Variants in XPO5 observed in about 807,000 individuals in gnomAD.
XPO5 encodes the protein exportin-5.
In XPO5, 46 loss-of-function variants were observed where a neutral mutation model predicts 160.6. That is an observed-to-expected ratio of 0.29 (90% CI 0.23 to 0.37). XPO5 has a LOEUF of 0.37. Among genes scored for constraint, XPO5 ranks in the 10% least tolerant of loss-of-function variants. XPO5 has a pLI of 1.00. For synonymous variants in XPO5, 537 were observed against 519.3 expected (o/e 1.03, Z -0.46); for missense variants, 1,090 against 1,463.9 (o/e 0.74, Z 4.17).
intron 20 of XPO5, among the ~76,000 whole-genome samples, chr6:43,534,908 T>C (rs548683760): frequency 6.6e-6 from 1 of 152,126 alleles, no homozygotes; most frequent in East Asian, 1.9e-4. Context: ...TAAGGCAGAA[T>C]TGCTTGAACT....
At chr6:43,531,605 T>G (rs1302611607) in intron 21 of XPO5, 30 bp from the exon 22 acceptor site, 5 of 1,578,624 alleles carry the variant, frequency 3.2e-6, no homozygotes, top group Non-Finnish European at 3.5e-6. Flanking sequence ...AAGAACATGA[T>G]GCTCCACTGT....
intron 2 of XPO5, among the ~76,000 whole-genome samples, chr6:43,573,188 C>T (rs866850347): frequency 2.6e-5 from 4 of 152,092 alleles, no homozygotes; most frequent in Non-Finnish European, 5.9e-5. Flanking sequence ...AAAAAGGCTT[C>T]GAGGGCTAAT....
chr6:43,539,614 G>A (rs1794573557), intron 20 of XPO5: 1 of 1,377,512 alleles, frequency 7.3e-7, no homozygotes, highest in Non-Finnish European at 1.0e-6. Context: ...GGATGCCACT[G>A]GCGAAACCTC....
intron 20 of XPO5, among the ~76,000 whole-genome samples, chr6:43,546,220 C>A (rs1051782811): frequency 2.6e-5 from 4 of 152,078 alleles, no homozygotes; most frequent in African/African-American, 7.2e-5. Context: ...TAGAAGGCAA[C>A]TGCCCTGCTC....
intron 13 of XPO5, among the ~76,000 whole-genome samples, chr6:43,554,189 A>C (rs1761891044): frequency 6.7e-6 from 1 of 150,162 alleles, no homozygotes; most frequent in African/African-American, 2.4e-5. Context: ...TCACTGCAAC[A>C]TTAGCCTCCC....
At chr6:43,545,733 A>G (rs886582896) in intron 20 of XPO5, among the ~76,000 whole-genome samples, 1 of 150,816 alleles carries the variant, frequency 6.6e-6, no homozygotes, top group Non-Finnish European at 1.5e-5. Context: ...CAAAAAAAAA[A>G]CCAATCCTGT....
rs758409186 is a variant in XPO5 at position 43,570,498 on chromosome 6, T to TTACCACC, written c.621+3_621+4insGGTGGTA. ...GAAATGTTATAGGTAGGGGTATCCC[T>TTACCACC]TACCACTTGCTGATACTTGTTTACA... On this transcript the variant is annotated splice_donor_region_variant and intron_variant, in intron 5 of 31. Coordinates refer to ENST00000265351, the MANE Select transcript of XPO5 (RefSeq NM_020750.3). 1 of 1,612,486 alleles carries TTACCACC rather than the reference T, an allele frequency of 6.2e-7. No homozygotes were observed. Among genetic ancestry groups the TTACCACC allele is most frequent in the Non-Finnish European group, 8.5e-7 (1 of 1,179,130 alleles).
At chr6:43,540,436 G>A (rs562992584) in intron 20 of XPO5, among the ~76,000 whole-genome samples, 2 of 152,124 alleles carry the variant, frequency 1.3e-5, no homozygotes, top group African/African-American at 4.8e-5. Context: ...CCGAGATGGC[G>A]CCACTGCACT....
At position 43,533,896 on chromosome 6, in the gene XPO5, A is replaced by G. The variant is rs545457259; in HGVS notation, c.2443+11T>C. On this transcript the variant is annotated intron_variant, in intron 21 of 31. Coordinates refer to ENST00000265351, the MANE Select transcript of XPO5 (RefSeq NM_020750.3). ...GATAAACCTTAGGAGAAAAAAGGTT[A>G]CATTTCTTACCTAATATAGCAGATT... 2 of 1,583,278 alleles carry G rather than the reference A, an allele frequency of 1.3e-6. No individual in the cohort carries two copies. The highest frequency in any genetic ancestry group is 2.7e-5 in the African/African-American group (2 of 74,202).
chr6:43,523,659 T>A lies in XPO5; in HGVS notation c.*209A>T, dbSNP rs529849715. The A allele has an allele frequency of 1.6e-5, 14 of 849,136 alleles. No homozygotes were observed. In the East Asian group the frequency reaches 3.5e-4, roughly 21 times the overall value. 52.6% of individuals were successfully genotyped at this position (849,136 alleles called of 1,614,324 possible). On this transcript the variant is annotated 3_prime_UTR_variant, in exon 32 of 32. Transcript: ENST00000265351. ...TATCTGGGACATCTAGACAGAATAG[T>A]TTAAGCCCTAACTCCCTTTCTTGAT...
Position 43,526,751 on chromosome 6 carries a change from A to G in XPO5, c.2921-4T>C. 6.2e-7 allele frequency: 1 copy of G among 1,613,554 alleles called. No individual in the cohort carries two copies. The highest frequency in any genetic ancestry group is 1.1e-5 in the South Asian group (1 of 90,912). ...TTCTTTGAAACACAGCAAACCGCTA[A>G]AGCAAGAAAGCAGGGTTACTAGGTG... On this transcript the variant is annotated splice_polypyrimidine_tract_variant and splice_region_variant and intron_variant, in intron 26 of 31. Transcript: ENST00000265351.
intron 5 of XPO5, among the ~76,000 whole-genome samples, chr6:43,569,955 T>C (rs1292137768): frequency 2.1e-5 from 3 of 142,822 alleles, no homozygotes; most frequent in Non-Finnish European, 4.5e-5. Flanking sequence ...TGGTGGCACA[T>C]GCCTGTAATC....
rs746346890 is a variant in XPO5 at position 43,562,310 on chromosome 6, G to A, written c.948C>T (p.Tyr316=). ...ADGGGLVEKH[Y]VFLKRLCQVL... ...CCTGACAGAGCCTCTTCAGAAAGAC[G>A]TAGTGTTTTTCTACCAAACCTCCTC... Residue 316 remains tyrosine, a synonymous_variant, in exon 9 of 32, where the codon TAC becomes TAT. Coordinates refer to ENST00000265351, the MANE Select transcript of XPO5 (RefSeq NM_020750.3). 25 of 1,609,550 alleles carry A rather than the reference G, an allele frequency of 1.6e-5. No homozygotes were observed. Among genetic ancestry groups the A allele is most frequent in the South Asian group, 8.9e-5 (8 of 89,726 alleles).
chr6:43,539,312 C>T, intron 20 of XPO5: 2 of 1,564,610 alleles, frequency 1.3e-6, no homozygotes, highest in South Asian at 2.2e-5. Context: ...ACTGTAGTCC[C>T]CGATAGCAAC....
In XPO5 at chr6:43,560,310, A is replaced by AG; in HGVS notation, c.1096-8dup. Reference sequence around the variant, plus strand: ...GAGTTGAAGAGCGTAGAAACTAAAGAGAAAAAAAAAAGAAAACGTCAAAGG... The same window carrying AG: ...GAGTTGAAGAGCGTAGAAACTAAAGAGGAAAAAAAAAAGAAAACGTCAAAGG... On this transcript the variant is annotated splice_polypyrimidine_tract_variant and splice_region_variant and intron_variant, in intron 10 of 31. Coordinates refer to ENST00000265351, the MANE Select transcript of XPO5 (RefSeq NM_020750.3). The AG allele has an allele frequency of 1.9e-6, 3 of 1,591,772 alleles. No individual in the cohort carries two copies. Among genetic ancestry groups the AG allele is most frequent in the Non-Finnish European group, 2.6e-6 (3 of 1,171,650 alleles).
At position 43,571,083 on chromosome 6, in the gene XPO5, T is replaced by C. The variant is rs1229365944; in HGVS notation, c.301-89A>G. ...CTGGGCTGTAGAGTTGTAAAAAATT[T>C]ATCAGCAGGCCTACTTTTAAACCAA... On this transcript the variant is annotated intron_variant, in intron 3 of 31. Coordinates refer to ENST00000265351, the MANE Select transcript of XPO5 (RefSeq NM_020750.3). 7 of 1,365,792 alleles carry C rather than the reference T, an allele frequency of 5.1e-6. No individual in the cohort carries two copies. In the East Asian group the frequency reaches 1.7e-4, roughly 32 times the overall value. 84.6% of individuals were successfully genotyped at this position (1,365,792 alleles called of 1,614,324 possible). A position where few individuals can be genotyped will look rare whatever the true frequency, so the allele number is the denominator to read the frequency against.
At chr6:43,526,990 A>T in intron 26 of XPO5, 1 of 502,546 alleles carries the variant, frequency 2.0e-6, no homozygotes, top group Non-Finnish European at 3.6e-6. Flanking sequence ...AGAGTGAGTG[A>T]CTAGGAAAGG....
chr6:43,545,369 G>A (rs533589800), intron 20 of XPO5, among the ~76,000 whole-genome samples: 1 of 152,154 alleles, frequency 6.6e-6, no homozygotes, highest in South Asian at 2.1e-4. Flanking sequence ...CTTGGAGAAG[G>A]GGCCAAAAAG....
At chr6:43,557,720 A>G (rs1005800524) in intron 12 of XPO5, among the ~76,000 whole-genome samples, 2 of 149,022 alleles carry the variant, frequency 1.3e-5, no homozygotes, top group African/African-American at 4.9e-5. Context: ...ACTAAAAACC[A>G]TTAAATTATA....
Sources: gnomAD v4.1 joint callset for allele counts (sites outside exome capture counted in the v4.1 genomes callset) on GRCh38, gnomAD v4.1.1 for gene constraint, MANE v1.5 for transcripts, NCBI Gene and HGNC (gene_info 2026-07-23, HGNC 2026-07-21) for gene names.